Variants in SEMA3E observed in about 807,000 individuals in gnomAD.
SEMA3E encodes semaphorin-3E.
In SEMA3E, 49 loss-of-function variants were observed where a neutral mutation model predicts 93.6. The ratio of observed to expected loss-of-function variants is 0.52; its 90% CI spans 0.42 to 0.66. The LOEUF (loss-of-function observed/expected upper bound fraction) is 0.66, where lower values mean the gene tolerates loss of function less well. Among genes scored for constraint, SEMA3E ranks in the 30% least tolerant of loss-of-function variants. The probability of loss-of-function intolerance (pLI) is 0.00; values close to 1 mark genes in which losing one functional copy is unlikely to be tolerated. For synonymous variants in SEMA3E, 363 were observed against 330.7 expected (o/e 1.10, Z -1.06); for missense variants, 906 against 964.8 (o/e 0.94, Z 0.81).
rs75799081 is a variant in SEMA3E at position 83,437,445 on chromosome 7, A to C, written c.457-18962T>G. Reference sequence around the variant, plus strand: ...AGACATTAAAAAATTGATAAATTTTATGACTTAAAATTTTAAAGAAAAAAA... The same window carrying C: ...AGACATTAAAAAATTGATAAATTTTCTGACTTAAAATTTTAAAGAAAAAAA... On this transcript the variant is annotated intron_variant, in intron 4 of 16. Coordinates refer to ENST00000643230, the MANE Select transcript of SEMA3E (RefSeq NM_012431.3). 5.0e-3 allele frequency among the ~76,000 whole-genome samples: 756 copies of C among 152,254 alleles called. 7 individuals are homozygous for C. The highest frequency in any genetic ancestry group is 0.017 in the African/African-American group (723 of 41,586).
In SEMA3E at chr7:83,486,854, A is replaced by G. The variant is rs369359023; in HGVS notation, c.276+3260T>C. Reference sequence around the variant, plus strand: ...GTTTGTGTTAATTATATTAGTTAAAAGTCTCCCACTCCCCCAAGTTGTATA... The same window carrying G: ...GTTTGTGTTAATTATATTAGTTAAAGGTCTCCCACTCCCCCAAGTTGTATA... On this transcript the variant is annotated intron_variant, in intron 2 of 16. Transcript: ENST00000643230. 7.2e-5 allele frequency among the ~76,000 whole-genome samples: 11 copies of G among 152,180 alleles called. 1 individual carries two copies. The highest frequency in any genetic ancestry group is 7.2e-5 in the African/African-American group (3 of 41,540).
At chr7:83,435,411 T>C (rs1215452176) in intron 4 of SEMA3E, among the ~76,000 whole-genome samples, 6 of 151,930 alleles carry the variant, frequency 3.9e-5, no homozygotes, top group East Asian at 2.0e-4. Context: ...CTGGCCAACA[T>C]GGTGAAATCC....
intron 1 of SEMA3E, among the ~76,000 whole-genome samples, chr7:83,636,936 G>T (rs911494789): frequency 1.3e-5 from 2 of 151,904 alleles, no homozygotes; most frequent in African/African-American, 4.8e-5. Flanking sequence ...TATAAAAAAA[G>T]CACCCTACTT....
intron 16 of SEMA3E, among the ~76,000 whole-genome samples, chr7:83,382,996 A>G (rs1253956823): frequency 6.6e-6 from 1 of 151,982 alleles, no homozygotes; most frequent in African/African-American, 2.4e-5. Flanking sequence ...CAGAGGGCTG[A>G]GTTTGAATCT....
chr7:83,520,423 A>C (rs1791020026), intron 1 of SEMA3E, among the ~76,000 whole-genome samples: 1 of 152,070 alleles, frequency 6.6e-6, no homozygotes, highest in Non-Finnish European at 1.5e-5. Context: ...TTCTCCGTAT[A>C]ATCTAGCACA....
chr7:83,425,420 C>A (rs1010694927), intron 4 of SEMA3E, among the ~76,000 whole-genome samples: 1 of 152,020 alleles, frequency 6.6e-6, no homozygotes, highest in Admixed American at 6.6e-5. Flanking sequence ...TGCTTCTTTA[C>A]CACTTATCAC....
intron 1 of SEMA3E, chr7:83,612,450 T>G (rs1793285119): frequency 6.6e-6 from 1 of 152,030 alleles, no homozygotes; most frequent in Admixed American, 6.6e-5. Context: ...CAAAGATCAA[T>G]CCTATGGAAA....
chr7:83,373,296 A>T (rs1324380177), intron 16 of SEMA3E, among the ~76,000 whole-genome samples: 2 of 152,176 alleles, frequency 1.3e-5, no homozygotes, highest in East Asian at 1.9e-4. Context: ...TTGAGAATAC[A>T]TTTAATAATA....
chr7:83,417,775 G>C (rs1198705176), intron 5 of SEMA3E, among the ~76,000 whole-genome samples: 3 of 152,160 alleles, frequency 2.0e-5, no homozygotes, highest in African/African-American at 7.2e-5. Flanking sequence ...AAGTGAGATT[G>C]TTTGGTACTT....
rs112772585 is a variant in SEMA3E, at chr7:83,648,513, C to T, written c.30G>A (p.Leu10=). The change falls in exon 1 of 17, where the codon TTG becomes TTA. Residue 10 remains leucine (L), a synonymous_variant. Coordinates refer to ENST00000643230, the MANE Select transcript of SEMA3E (RefSeq NM_012431.3). ...GCTCCAGTAAGTAACCCCACAGGAG[C>T]AAGGTGATAATGTGCCCCGCGGATG... MASAGHIIT[L]LLWGYLLELW... 9.3e-6 allele frequency: 15 copies of T among 1,613,228 alleles called. No homozygotes were observed. In the African/African-American group the frequency reaches 1.7e-4, roughly 19 times the overall value.
At chr7:83,540,127 C>T (rs1791490671) in intron 1 of SEMA3E, among the ~76,000 whole-genome samples, 2 of 152,168 alleles carry the variant, frequency 1.3e-5, no homozygotes, top group Admixed American at 6.5e-5. Context: ...AGTTGATCCA[C>T]CCTCGTCGGC....
intron 1 of SEMA3E, among the ~76,000 whole-genome samples, chr7:83,624,529 A>G (rs994833913): frequency 5.3e-5 from 8 of 152,134 alleles, no homozygotes; most frequent in Non-Finnish European, 1.2e-4. Context: ...TTCTTTTGAG[A>G]AATGTCTGTT....
At chr7:83,520,201 A>T (rs1378304697) in intron 1 of SEMA3E, among the ~76,000 whole-genome samples, 1 of 152,066 alleles carries the variant, frequency 6.6e-6, no homozygotes, top group Non-Finnish European at 1.5e-5. Flanking sequence ...TTATTACTCA[A>T]TGAATTTACA....
At chr7:83,605,432 C>CTTTTTTTTTTTTTTTTTTTTTT (rs984270674) in intron 1 of SEMA3E, among the ~76,000 whole-genome samples, 1 of 147,938 alleles carries the variant, frequency 6.8e-6, no homozygotes. Context: ...AATGTCCTCT[C>CTTTTTTTTTTTTTTTTTTTTTT]TTTTTTTTTT....
intron 4 of SEMA3E, among the ~76,000 whole-genome samples, chr7:83,421,973 T>C (rs1031727235): frequency 1.3e-5 from 2 of 151,908 alleles, no homozygotes; most frequent in Non-Finnish European, 2.9e-5. Context: ...AGGTTGGGAG[T>C]TCGAGACCAG....
At chr7:83,592,352 T>C (rs935105155) in intron 1 of SEMA3E, among the ~76,000 whole-genome samples, 9 of 152,150 alleles carry the variant, frequency 5.9e-5, no homozygotes, top group Non-Finnish European at 1.3e-4. Flanking sequence ...TTGCTTGCTG[T>C]ACTTGCAAAG....
intron 1 of SEMA3E, among the ~76,000 whole-genome samples, chr7:83,631,613 T>G (rs1793787157): frequency 6.6e-6 from 1 of 152,242 alleles, no homozygotes; most frequent in Non-Finnish European, 1.5e-5. Flanking sequence ...AATATAGGAA[T>G]GTCTCACTCC....
chr7:83,431,948 A>G (rs1584244826), intron 4 of SEMA3E, among the ~76,000 whole-genome samples: 1 of 127,128 alleles, frequency 7.9e-6, no homozygotes, highest in East Asian at 2.3e-4. Context: ...TTAATTGGTG[A>G]CTTTTTTTTT....
intron 1 of SEMA3E, among the ~76,000 whole-genome samples, chr7:83,498,754 C>T (rs550491967): frequency 3.3e-5 from 5 of 152,244 alleles, no homozygotes; most frequent in Admixed American, 3.3e-4. Context: ...CGTGGGATTA[C>T]AGGTGTGAGC....
Sources: gnomAD v4.1 joint callset for allele counts (sites outside exome capture counted in the v4.1 genomes callset) on GRCh38, gnomAD v4.1.1 for gene constraint, MANE v1.5 for transcripts, NCBI Gene and HGNC (gene_info 2026-07-23, HGNC 2026-07-21) for gene names.